CCDC30: variants seen among roughly 807,000 people sequenced by gnomAD.
CCDC30 encodes the protein coiled-coil domain containing 30, also known as coiled-coil domain-containing protein 30.
CCDC30 carries 70 observed loss-of-function variants against 100.2 expected under a neutral mutation model. The observed-to-expected ratio is 0.70, with a 90% CI of 0.58 to 0.85. CCDC30 has a LOEUF of 0.85. CCDC30 is among the 40% of genes least tolerant of loss of function. The pLI is 0.00. For synonymous variants in CCDC30, 233 were observed against 269.5 expected, an observed-to-expected ratio of 0.86 and a Z score of 1.33; for missense variants, 652 against 771.2, an observed-to-expected ratio of 0.85 and a Z score of 1.83.
rs183758401 is a variant in CCDC30 at position 42,575,129 on chromosome 1, C to G, written c.637-1891C>G. ...ATGAAGGACATTATAGCTATCATCC[C>G]TGTTAATTCAGTTGAAAAGCTTTGA... On this transcript the variant is annotated intron_variant, in intron 7 of 16. Transcript: ENST00000668663. 1.4e-4 allele frequency among the ~76,000 whole-genome samples: 21 copies of G among 152,254 alleles called. No individual in the cohort carries two copies. In the East Asian group the frequency reaches 4.0e-3, roughly 29 times the overall value.
chr1:42,637,346 G>T lies in CCDC30; in HGVS notation c.1387G>T (p.Glu463Ter). Residue 463 changes from glutamate to a stop codon, truncating the protein, a stop_gained, in exon 12 of 17, where the codon GAA (glutamate) becomes TAA (stop). Transcript: ENST00000668663. LOFTEE classifies it high-confidence loss of function. ...TAAGAGAATTAACCAATTTGAAGAT[G>T]AAATTGGAATCCTGCAACATAAAAT... is the stretch of plus-strand genomic sequence containing the variant. 3 of 1,600,356 alleles carry T rather than the reference G, an allele frequency of 1.9e-6. No homozygotes were observed. The highest frequency in any genetic ancestry group is 3.6e-5 in the Admixed American group (2 of 55,968).
rs535769932 is a variant in CCDC30 at position 42,555,116 on chromosome 1, T to A, written c.457-11180T>A. Among the ~76,000 whole-genome samples, 14 of 152,312 alleles carry A rather than the reference T, an allele frequency of 9.2e-5. 1 individual carries two copies. The highest frequency in any genetic ancestry group is 3.4e-4 in the African/African-American group (14 of 41,568). ...TAAATATCTCCAGAGTCCATCATAG[T>A]TCTATTTATTGTTATTTATTACATG... On this transcript the variant is annotated intron_variant, in intron 6 of 16. Transcript: ENST00000668663.
At chr1:42,576,391 GT>G (rs1416507214) in intron 7 of CCDC30, among the ~76,000 whole-genome samples, 1 of 152,204 alleles carries the variant, frequency 6.6e-6, no homozygotes, top group Non-Finnish European at 1.5e-5. Context: ...CTGCACAAAA[GT>G]TTGGATGGTG....
intron 9 of CCDC30, 110 bp from the exon 14 acceptor site, chr1:42,589,211 A>C: frequency 1.4e-6 from 1 of 728,794 alleles, no homozygotes. Context: ...CACATACCCT[A>C]CTTCATTGAA....
intron 10 of CCDC30, among the ~76,000 whole-genome samples, chr1:42,604,986 T>C (rs958765786): frequency 6.6e-6 from 1 of 152,222 alleles, no homozygotes; most frequent in Non-Finnish European, 1.5e-5. Context: ...GGTAAGACTT[T>C]AATTGGCTGC....
intron 11 of CCDC30, among the ~76,000 whole-genome samples, chr1:42,634,261 A>G (rs796450539): frequency 4.6e-5 from 7 of 151,810 alleles, no homozygotes; most frequent in Admixed American, 4.6e-4. Context: ...AAAAAAAAAA[A>G]AAAAAAAAAA....
At chr1:42,520,101 T>C (rs1230193624) in intron 6 of CCDC30, among the ~76,000 whole-genome samples, 2 of 152,118 alleles carry the variant, frequency 1.3e-5, no homozygotes, top group Admixed American at 1.3e-4. Context: ...ATTTCTGTCT[T>C]TCATTTATCT....
intron 3 of CCDC30, among the ~76,000 whole-genome samples, chr1:42,484,087 A>G (rs1336255996): frequency 6.6e-6 from 1 of 151,876 alleles, no homozygotes; most frequent in East Asian, 1.9e-4. Flanking sequence ...TGTTAAATGT[A>G]TAAAACAATA....
intron 6 of CCDC30, among the ~76,000 whole-genome samples, chr1:42,557,686 A>G (rs1206612216): frequency 1.4e-5 from 2 of 147,588 alleles, no homozygotes; most frequent in Non-Finnish European, 3.0e-5. Context: ...AAAATATTTT[A>G]TTTATATTAA....
At chr1:42,642,783 A>G (rs1446648544) in intron 13 of CCDC30, among the ~76,000 whole-genome samples, 174 bp downstream of exon 17, 1 of 152,258 alleles carries the variant, frequency 6.6e-6, no homozygotes, top group Non-Finnish European at 1.5e-5. Flanking sequence ...TAAATTAAAG[A>G]GAAAAATATC....
At chr1:42,637,118 T>G (rs1647175830) in intron 11 of CCDC30, 119 bp from the exon 16 acceptor site, 8 of 732,198 alleles carry the variant, frequency 1.1e-5, no homozygotes, top group Non-Finnish European at 1.6e-5. Flanking sequence ...AGTATCCACA[T>G]CCGGTGCCAG....
At chr1:42,628,213 T>G (rs1646968361) in intron 11 of CCDC30, among the ~76,000 whole-genome samples, 2 of 152,208 alleles carry the variant, frequency 1.3e-5, no homozygotes, top group South Asian at 4.1e-4. Flanking sequence ...CAGACTTGCC[T>G]GGGCCCTGTA....
rs1646051347 is a variant in CCDC30, at chr1:42,585,575, T to C, written c.1002-3746T>C. Among the ~76,000 whole-genome samples, 5 of 152,076 alleles carry C rather than the reference T, an allele frequency of 3.3e-5. No homozygotes were observed. In the South Asian group the frequency reaches 1.0e-3, roughly 32 times the overall value. On this transcript the variant is annotated intron_variant, in intron 9 of 16. Coordinates refer to ENST00000668663, the Ensembl canonical transcript of CCDC30. ...ACTCTCATTTTTACTATTTCTTTGC[T>C]TCTGCTTGCTTTAGGCTTATAATGT...
In CCDC30 at chr1:42,510,528, A is replaced by G. The variant is rs932177386; in HGVS notation, c.456+11612A>G. Among the ~76,000 whole-genome samples the G allele has an allele frequency of 5.9e-5, 9 of 152,032 alleles. 1 individual carries two copies. Among genetic ancestry groups the G allele is most frequent in the Non-Finnish European group, 1.5e-5 (1 of 68,004 alleles). Reference sequence around the variant, plus strand: ...AATAATTAGCTGGATGTGGTGGCACACGCCTGTGGTCCCAGCTACTTGGGA... The same window carrying G: ...AATAATTAGCTGGATGTGGTGGCACGCGCCTGTGGTCCCAGCTACTTGGGA... On this transcript the variant is annotated intron_variant, in intron 6 of 16. Transcript: ENST00000668663.
chr1:42,637,587 T>A (rs1647185133), intron 12 of CCDC30, among the ~76,000 whole-genome samples: 1 of 152,242 alleles, frequency 6.6e-6, no homozygotes, highest in African/African-American at 2.4e-5. Flanking sequence ...AATTGAATAC[T>A]GAAAATACTC....
chr1:42,588,998 G>C (rs1468578623), intron 9 of CCDC30, among the ~76,000 whole-genome samples: 1 of 152,160 alleles, frequency 6.6e-6, no homozygotes, highest in Non-Finnish European at 1.5e-5. Context: ...TCGTAAAGCA[G>C]TAAGGAAGAA....
intron 12 of CCDC30, among the ~76,000 whole-genome samples, chr1:42,642,021 C>T (rs2147313): frequency 1.4e-3 from 214 of 151,864 alleles, no homozygotes; most frequent in Middle Eastern, 0.01. Context: ...GTCAGGAGAT[C>T]GAGACCATCC....
At chr1:42,457,257 G>C in the CCDC30 span, 4 of 1,614,148 alleles carry the variant, frequency 2.5e-6, no homozygotes, top group Non-Finnish European at 2.5e-6. Flanking sequence ...GCCCTTCTGC[G>C]ATGTTTTACC....
chr1:42,519,205 T>G (rs1270496529), intron 6 of CCDC30, among the ~76,000 whole-genome samples: 1 of 152,222 alleles, frequency 6.6e-6, no homozygotes, highest in South Asian at 2.1e-4. Context: ...TGAGGATTTT[T>G]TCATCAACGT....
Sources: allele counts gnomAD v4.1 joint callset (sites outside exome capture counted in the v4.1 genomes callset), GRCh38; gene constraint gnomAD v4.1.1; transcripts MANE v1.5; gene names NCBI Gene and HGNC (gene_info 2026-07-23, HGNC 2026-07-21).